The following ZNF789 variants were observed in gnomAD, a reference collection of about 807,000 sequenced individuals.
The protein encoded by ZNF789 is zinc finger protein 789.
Under a neutral mutation model 15.6 loss-of-function variants are expected in ZNF789, and 11 were observed. The ratio of observed to expected loss-of-function variants is 0.70; its 90% CI spans 0.44 to 1.16. The LOEUF (loss-of-function observed/expected upper bound fraction) is 1.16, where lower values mean the gene tolerates loss of function less well. Among genes scored for constraint, ZNF789 ranks in the 50% most tolerant of loss-of-function variants. ZNF789 has a pLI of 0.00. For missense variants in ZNF789, 461 were observed against 512.6 expected (o/e 0.90, Z 0.97); for synonymous variants, 159 against 176.0 (o/e 0.90, Z 0.76).
chr7:99,475,063 A>C (rs574135183), intron 1 of ZNF789, among the ~76,000 whole-genome samples: 2 of 152,278 alleles, frequency 1.3e-5, no homozygotes, highest in Admixed American at 6.5e-5. Flanking sequence ...CATTAAAATG[A>C]AAGTGAATTT....
intron 2 of ZNF789, 102 bp from the exon 3 acceptor site, chr7:99,479,559 C>T (rs1427041768): frequency 7.1e-7 from 1 of 1,408,078 alleles, no homozygotes; most frequent in Non-Finnish European, 9.4e-7. Context: ...TGCCCTTGGC[C>T]CACACTCTAC....
chr7:99,483,198 T>G (rs1031736045), intron 3 of ZNF789, among the ~76,000 whole-genome samples: 13 of 151,932 alleles, frequency 8.6e-5, no homozygotes, highest in African/African-American at 2.9e-4. Flanking sequence ...GCCAGTGTAC[T>G]CCAGCCTGGA....
chr7:99,487,076 A>G lies in ZNF789; in HGVS notation c.866A>G (p.Lys289Arg). 6.2e-7 allele frequency: 1 copy of G among 1,614,146 alleles called. No homozygotes were observed. The highest frequency in any genetic ancestry group is 8.5e-7 in the Non-Finnish European group (1 of 1,180,038). Residue 289 changes from lysine to arginine, a missense_variant, in exon 5 of 5, where the codon AAA becomes AGA. Lys to Arg is a conservative substitution (Grantham distance 26). Coordinates refer to ENST00000331410, the MANE Select transcript of ZNF789 (RefSeq NM_213603.3). ...AAAGAAAAACCTTATAAATGTAGCAAATGTGAAAAAACGTTTAGTCAGAAT... is the reference window on the plus strand; with the variant it reads ...AAAGAAAAACCTTATAAATGTAGCAGATGTGAAAAAACGTTTAGTCAGAAT... Reference protein sequence around the residue: ...HTKEKPYKCSKCEKTFSQNST... With the variant: ...HTKEKPYKCSRCEKTFSQNST...
intron 1 of ZNF789, among the ~76,000 whole-genome samples, chr7:99,473,705 C>G (rs1036950153): frequency 3.3e-5 from 5 of 152,178 alleles, no homozygotes; most frequent in African/African-American, 1.2e-4. Flanking sequence ...ACTGCAACCT[C>G]CAACTCCCGG....
chr7:99,478,208 T>C (rs10235235), intron 2 of ZNF789: 107,182 of 1,155,498 alleles, frequency 0.093, 5,944 homozygotes, highest in African/African-American at 0.23. Flanking sequence ...AGGAGAGGAG[T>C]TACCATGCCA....
Position 99,485,602 on chromosome 7 carries a change from T to C in ZNF789, c.266-874T>C, listed in dbSNP as rs112514924. 8.1e-3 allele frequency among the ~76,000 whole-genome samples: 1,231 copies of C among 152,282 alleles called. 22 individuals are homozygous for C. Among genetic ancestry groups the C allele is most frequent in the African/African-American group, 0.028 (1,178 of 41,564 alleles). Reference sequence around the variant, plus strand: ...ATCCCAACACTTTTGGAGGCCGAGATGGGCAGATCGCTTGAGGCCAGGAGT... The same window carrying C: ...ATCCCAACACTTTTGGAGGCCGAGACGGGCAGATCGCTTGAGGCCAGGAGT... On this transcript the variant is annotated intron_variant, in intron 4 of 4. Coordinates refer to ENST00000331410, the MANE Select transcript of ZNF789 (RefSeq NM_213603.3).
chr7:99,486,319 A>G (rs976580302), intron 4 of ZNF789, among the ~76,000 whole-genome samples, 157 bp from the exon 5 acceptor site: 13 of 152,290 alleles, frequency 8.5e-5, no homozygotes, highest in South Asian at 4.1e-4. Context: ...CGTCTCAAAA[A>G]AAAATTTCAG....
rs753141176 is a variant in ZNF789, at chr7:99,481,071, C to T, written c.151+1284C>T. The T allele has an allele frequency of 6.6e-5, 10 of 152,162 alleles. No homozygotes were observed. In the East Asian group the frequency reaches 1.7e-3, roughly 26 times the overall value. The allele number at this position is 152,162 out of a possible 1,614,324, so 9.4% of individuals were successfully genotyped here. On this transcript the variant is annotated intron_variant, in intron 3 of 4. Coordinates refer to ENST00000331410, the MANE Select transcript of ZNF789 (RefSeq NM_213603.3). ...TTCCTGCCAGTCTTTTTTTCCTATG[C>T]CTTTACAAAAGTAGCTGAGCATATT...
chr7:99,486,423 T>G (rs1437271630), intron 4 of ZNF789, 53 bp from the exon 5 acceptor site: 1 of 1,515,566 alleles, frequency 6.6e-7, no homozygotes, highest in African/African-American at 1.4e-5. Flanking sequence ...TCTCTTCCTT[T>G]TTTTCTTCTG....
intron 2 of ZNF789, among the ~76,000 whole-genome samples, chr7:99,477,447 C>T (rs1389045725): frequency 6.6e-6 from 1 of 151,412 alleles, no homozygotes; most frequent in Non-Finnish European, 1.5e-5. Context: ...CTCAGGTGAT[C>T]CTCCCACCTC....
chr7:99,473,365 C>T (rs10808112), intron 1 of ZNF789, among the ~76,000 whole-genome samples: 27,371 of 152,046 alleles, frequency 0.18, 3,942 homozygotes, highest in African/African-American at 0.4. Context: ...TTAACAGTCC[C>T]CTCCAGTTAA....
At chr7:99,486,036 G>A (rs1162895202) in intron 4 of ZNF789, among the ~76,000 whole-genome samples, 1 of 152,068 alleles carries the variant, frequency 6.6e-6, no homozygotes, top group Non-Finnish European at 1.5e-5. Context: ...CAGAATTTTG[G>A]GCTGGGTGCG....
intron 3 of ZNF789, among the ~76,000 whole-genome samples, chr7:99,483,189 C>A (rs898622410): frequency 6.6e-6 from 1 of 151,832 alleles, no homozygotes; most frequent in African/African-American, 2.4e-5. Flanking sequence ...AGAGATGGTG[C>A]CAGTGTACTC....
At chr7:99,485,653 G>A (rs901244570) in intron 4 of ZNF789, among the ~76,000 whole-genome samples, 1 of 152,064 alleles carries the variant, frequency 6.6e-6, no homozygotes, top group Admixed American at 6.6e-5. Context: ...CCAACATGGC[G>A]AAATATCATC....
Position 99,487,520 on chromosome 7 carries a change from G to C in ZNF789, c.*32G>C, listed in dbSNP as rs753802833. ...TTGGAAAGCAGTCATTGGAGAACTA[G>C]AACTTATAAACCTCTACTTCAAGTG... is the stretch of plus-strand genomic sequence containing the variant. On this transcript the variant is annotated 3_prime_UTR_variant, in exon 5 of 5. Transcript: ENST00000331410. The C allele has an allele frequency of 1.8e-5, 29 of 1,582,526 alleles. 2 individuals carry two copies. The South Asian group carries it at 3.4e-4, about 18-fold the overall frequency.
At chr7:99,478,611 C>T (rs1389651825) in intron 2 of ZNF789, 5 of 347,356 alleles carry the variant, frequency 1.4e-5, no homozygotes, top group African/African-American at 2.1e-5. Flanking sequence ...TGTAGACAGC[C>T]GCTGGGCCCC....
chr7:99,485,148 A>G, intron 4 of ZNF789: 1 of 1,529,138 alleles, frequency 6.5e-7, no homozygotes, highest in South Asian at 1.2e-5. Context: ...TTTTGTTTTC[A>G]TATTACTCCC....
intron 2 of ZNF789, chr7:99,478,282 A>G: frequency 7.8e-7 from 1 of 1,289,366 alleles, no homozygotes; most frequent in Non-Finnish European, 1.0e-6. Flanking sequence ...AGGTGCGGGA[A>G]TGCAGATGGC....
intron 1 of ZNF789, among the ~76,000 whole-genome samples, chr7:99,474,373 T>G (rs573129299): frequency 6.6e-6 from 1 of 152,088 alleles, no homozygotes; most frequent in African/African-American, 2.4e-5. Flanking sequence ...GGCGGGAGGA[T>G]CACGAGGTCA....
Sources: allele counts gnomAD v4.1 joint callset (sites outside exome capture counted in the v4.1 genomes callset), GRCh38; gene constraint gnomAD v4.1.1; transcripts MANE v1.5; gene names NCBI Gene and HGNC (gene_info 2026-07-23, HGNC 2026-07-21).